Variants in XNDC1N observed in about 807,000 individuals in gnomAD.
XNDC1N encodes the protein protein XNDC1N.
the XNDC1N span, among the ~76,000 whole-genome samples, chr11:71,887,811 C>T: frequency 1.3e-5 from 2 of 152,194 alleles, no homozygotes; most frequent in Non-Finnish European, 2.9e-5. Context: ...GTACCTAACC[C>T]GTCCACATTG....
At chr11:71,874,191 G>A in the XNDC1N span, among the ~76,000 whole-genome samples, 14 of 152,136 alleles carry the variant, frequency 9.2e-5, no homozygotes, top group Non-Finnish European at 1.6e-4. Flanking sequence ...TTGGTAGCTA[G>A]CACCTGTAAT....
the XNDC1N span, among the ~76,000 whole-genome samples, chr11:71,881,526 A>AT: frequency 6.6e-6 from 1 of 151,936 alleles, no homozygotes; most frequent in Non-Finnish European, 1.5e-5. Context: ...CTCTTATGGC[A>AT]TTTTTTTGTG....
At chr11:71,911,368 G>GAA in the XNDC1N span, among the ~76,000 whole-genome samples, 3 of 152,212 alleles carry the variant, frequency 2.0e-5, no homozygotes, top group Non-Finnish European at 4.4e-5. Context: ...TGATTGTGTA[G>GAA]AAGTGTTGGA....
chr11:71,911,810 T>A, the XNDC1N span, among the ~76,000 whole-genome samples: 1 of 152,144 alleles, frequency 6.6e-6, no homozygotes, highest in Non-Finnish European at 1.5e-5. Context: ...CGAGCTTCCA[T>A]CTTGCTGGGT....
the XNDC1N span, chr11:71,903,419 G>A: frequency 3.2e-5 from 39 of 1,231,126 alleles, no homozygotes; most frequent in Non-Finnish European, 3.8e-5. Flanking sequence ...ACCTCCACAC[G>A]GTCCCCAAGA....
chr11:71,886,243 A>G, the XNDC1N span, among the ~76,000 whole-genome samples: 21 of 151,936 alleles, frequency 1.4e-4, no homozygotes, highest in Non-Finnish European at 2.4e-4. Context: ...TTTGCTCCAA[A>G]CTGTTATCCA....
the XNDC1N span, among the ~76,000 whole-genome samples, chr11:71,900,372 C>A: frequency 6.7e-6 from 1 of 149,074 alleles, no homozygotes; most frequent in African/African-American, 2.6e-5. Flanking sequence ...GAGGGGCAGG[C>A]CACCCCTTCA....
chr11:71,896,768 C>T, the XNDC1N span, among the ~76,000 whole-genome samples: 1 of 152,312 alleles, frequency 6.6e-6, no homozygotes, highest in South Asian at 2.1e-4. Flanking sequence ...TTCTCCCTGT[C>T]GGTCAGGCTG....
At chr11:71,887,342 C>T in the XNDC1N span, among the ~76,000 whole-genome samples, 1 of 152,184 alleles carries the variant, frequency 6.6e-6, no homozygotes, top group Non-Finnish European at 1.5e-5. Flanking sequence ...TGTCCCTTGA[C>T]CTTTTCGGGA....
the XNDC1N span, among the ~76,000 whole-genome samples, chr11:71,909,852 A>T: frequency 6.6e-6 from 1 of 152,192 alleles, no homozygotes; most frequent in Non-Finnish European, 1.5e-5. Context: ...TCTCTTTGAC[A>T]GAGCATGGCT....
At chr11:71,873,482 C>T in the XNDC1N span, among the ~76,000 whole-genome samples, 65 of 152,256 alleles carry the variant, frequency 4.3e-4, no homozygotes, top group African/African-American at 1.4e-3. Flanking sequence ...ATGCCCTTTT[C>T]GATATCAATT....
chr11:71,915,243 T>C, the XNDC1N span, among the ~76,000 whole-genome samples: 1 of 152,018 alleles, frequency 6.6e-6, no homozygotes, highest in Non-Finnish European at 1.5e-5. Context: ...GGTCAGGAGA[T>C]TGAGACCACC....
At chr11:71,887,400 C>T in the XNDC1N span, among the ~76,000 whole-genome samples, 77 of 152,234 alleles carry the variant, frequency 5.1e-4, no homozygotes, top group African/African-American at 1.4e-3. Context: ...TGACAGAGCA[C>T]GGCTCTTTGC....
At chr11:71,869,276 C>T in the XNDC1N span, among the ~76,000 whole-genome samples, 2 of 151,752 alleles carry the variant, frequency 1.3e-5, no homozygotes, top group Non-Finnish European at 2.9e-5. Context: ...TGTTCAATTC[C>T]CACCTATGAG....
At chr11:71,868,766 T>C in the XNDC1N span, among the ~76,000 whole-genome samples, 5 of 152,144 alleles carry the variant, frequency 3.3e-5, 1 homozygote, top group African/African-American at 1.2e-4. Flanking sequence ...TAGGGGATGG[T>C]TGTCTTGTGT....
At chr11:71,893,804 G>A in the XNDC1N span, 2 of 1,047,930 alleles carry the variant, frequency 1.9e-6, no homozygotes, top group Middle Eastern at 2.4e-4. Flanking sequence ...TGTATAGAAG[G>A]CATGCTCCTG....
At chr11:71,912,114 C>A in the XNDC1N span, among the ~76,000 whole-genome samples, 1 of 152,120 alleles carries the variant, frequency 6.6e-6, no homozygotes, top group Non-Finnish European at 1.5e-5. Flanking sequence ...TACATCTCAC[C>A]TTTGTCAGCC....
chr11:71,886,626 G>C, the XNDC1N span, among the ~76,000 whole-genome samples: 3 of 152,174 alleles, frequency 2.0e-5, no homozygotes, highest in African/African-American at 7.2e-5. Context: ...CTTTGATCCT[G>C]ATAGCCCTGA....
chr11:71,879,892 T>G, the XNDC1N span, among the ~76,000 whole-genome samples: 1 of 152,186 alleles, frequency 6.6e-6, no homozygotes, highest in African/African-American at 2.4e-5. Flanking sequence ...TTTTCAAGAT[T>G]CATCCATGTT....
Sources: allele counts gnomAD v4.1 joint callset (sites outside exome capture counted in the v4.1 genomes callset), GRCh38; gene constraint gnomAD v4.1.1; transcripts MANE v1.5; gene names NCBI Gene and HGNC (gene_info 2026-07-23, HGNC 2026-07-21).